The following SORBS2 variants were observed in gnomAD, a reference collection of about 807,000 sequenced individuals.
SORBS2 encodes the protein sorbin and SH3 domain-containing protein 2.
In SORBS2, 46 loss-of-function variants were observed where a neutral mutation model predicts 97.7. The ratio of observed to expected loss-of-function variants is 0.47; its 90% CI spans 0.37 to 0.60. The LOEUF (loss-of-function observed/expected upper bound fraction) is 0.60. SORBS2 is among the 20% of genes least tolerant of loss of function. SORBS2 has a pLI of 0.00. For synonymous variants in SORBS2, 476 were observed against 473.4 expected (o/e 1.01, Z -0.07); for missense variants, 1,316 against 1,282.3 (o/e 1.03, Z -0.40).
intron 4 of SORBS2, among the ~76,000 whole-genome samples, chr4:185,664,119 G>T (rs1003857100): frequency 6.6e-6 from 1 of 152,016 alleles, no homozygotes; most frequent in African/African-American, 2.4e-5. Flanking sequence ...CTCCCAAAGT[G>T]CTGGGATTAC....
At chr4:185,589,258 G>A (rs2095863982) in intron 14 of SORBS2, 1 of 158,118 alleles carries the variant, frequency 6.3e-6, no homozygotes. Context: ...GGGCATCTAC[G>A]TCAGACCTAG....
chr4:185,626,676 G>T, intron 6 of SORBS2, 156 bp downstream of exon 18: 2 of 728,112 alleles, frequency 2.7e-6, no homozygotes, highest in Non-Finnish European at 4.5e-6. Flanking sequence ...GAGTCAGTCT[G>T]GGTGGGAAGA....
At chr4:185,743,576 G>C (rs1006714417) in intron 2 of SORBS2, among the ~76,000 whole-genome samples, 3 of 152,230 alleles carry the variant, frequency 2.0e-5, no homozygotes, top group African/African-American at 7.2e-5. Context: ...TAGTAGTTTA[G>C]AACTCTGTTA....
intron 1 of SORBS2, among the ~76,000 whole-genome samples, chr4:185,949,820 C>T (rs2099276317): frequency 6.6e-6 from 1 of 152,102 alleles, no homozygotes; most frequent in Non-Finnish European, 1.5e-5. Flanking sequence ...ACAATAGCAT[C>T]CTCACAATGC....
intron 1 of SORBS2, among the ~76,000 whole-genome samples, chr4:185,894,826 C>T (rs180814560): frequency 1.3e-3 from 196 of 152,322 alleles, no homozygotes; most frequent in African/African-American, 4.5e-3. Flanking sequence ...TTGAAAATCA[C>T]AGACTCTCAG....
At chr4:185,660,167 T>C (rs1051314235), upstream of SORBS2, among the ~76,000 whole-genome samples, 8 of 152,192 alleles carry the variant, frequency 5.3e-5, no homozygotes, top group Admixed American at 1.3e-4. Flanking sequence ...ATCAATATAT[T>C]CTAAAATCAA....
chr4:185,845,846 T>C (rs904623636), intron 1 of SORBS2, among the ~76,000 whole-genome samples: 1 of 152,130 alleles, frequency 6.6e-6, no homozygotes, highest in Non-Finnish European at 1.5e-5. Flanking sequence ...AAAATGCAAA[T>C]GAAAACTATT....
chr4:185,895,266 T>C (rs1027463676), intron 1 of SORBS2, among the ~76,000 whole-genome samples: 33 of 152,180 alleles, frequency 2.2e-4, no homozygotes, highest in African/African-American at 8.0e-4. Flanking sequence ...CTTGTTTTGG[T>C]GTCACAGCAC....
At chr4:185,746,107 T>G (rs2098758190) in intron 2 of SORBS2, among the ~76,000 whole-genome samples, 1 of 152,174 alleles carries the variant, frequency 6.6e-6, no homozygotes, top group African/African-American at 2.4e-5. Flanking sequence ...GGGTAAGATT[T>G]ACAGGAGACA....
At chr4:185,604,769 C>G (rs982112246) in intron 12 of SORBS2, among the ~76,000 whole-genome samples, 2 of 152,128 alleles carry the variant, frequency 1.3e-5, no homozygotes, top group Non-Finnish European at 2.9e-5. Context: ...GATAGGAACA[C>G]CTATATTCTA....
At chr4:185,748,564 C>T (rs28521093) in intron 2 of SORBS2, among the ~76,000 whole-genome samples, 26,970 of 152,056 alleles carry the variant, frequency 0.18, 2,663 homozygotes, top group African/African-American at 0.25. Context: ...GGAGGCCTCA[C>T]GAGCAATTTT....
At chr4:185,700,393 C>T (rs2098244008) in intron 2 of SORBS2, among the ~76,000 whole-genome samples, 1 of 151,912 alleles carries the variant, frequency 6.6e-6, no homozygotes, top group Non-Finnish European at 1.5e-5. Flanking sequence ...GGTAGAGACA[C>T]TATGGTGAGT....
chr4:185,846,866 GT>G (rs2099214842), intron 1 of SORBS2, among the ~76,000 whole-genome samples: 1 of 152,114 alleles, frequency 6.6e-6, no homozygotes, highest in Non-Finnish European at 1.5e-5. Flanking sequence ...GGGCATTTGT[GT>G]TTGAAAATTT....
chr4:185,639,418 GT>G (rs1319259843), intron 4 of SORBS2, among the ~76,000 whole-genome samples: 1 of 152,190 alleles, frequency 6.6e-6, no homozygotes, highest in Non-Finnish European at 1.5e-5. Context: ...GTTTCTGAAT[GT>G]TGTTTTTAAG....
chr4:185,840,232 C>T (rs961563746), intron 1 of SORBS2, among the ~76,000 whole-genome samples: 8 of 152,252 alleles, frequency 5.3e-5, no homozygotes, highest in Middle Eastern at 3.4e-3. Context: ...GTCAATTTTC[C>T]CGTGTTATGG....
chr4:185,662,910 C>T (rs188415416), intron 4 of SORBS2, among the ~76,000 whole-genome samples: 13 of 152,258 alleles, frequency 8.5e-5, no homozygotes, highest in African/African-American at 2.4e-4. Flanking sequence ...TCGATTGTTC[C>T]GTATCTGACT....
chr4:185,654,774 G>T (rs1034179939), intron 1 of SORBS2, among the ~76,000 whole-genome samples: 2 of 150,840 alleles, frequency 1.3e-5, no homozygotes, highest in Admixed American at 1.3e-4. Context: ...AAATCATTTT[G>T]CATGAAAAAT....
intron 8 of SORBS2, among the ~76,000 whole-genome samples, chr4:185,619,543 C>T (rs2096681512): frequency 6.6e-6 from 1 of 152,212 alleles, no homozygotes; most frequent in South Asian, 2.1e-4. Flanking sequence ...CGGCTCAGGG[C>T]CCTGGACAGA....
chr4:185,868,159 C>CTTTTTTTTTTTTT (rs112680775), intron 1 of SORBS2, among the ~76,000 whole-genome samples: 21 of 105,214 alleles, frequency 2.0e-4, no homozygotes, highest in African/African-American at 7.4e-4. Context: ...TTTTTTCTTT[C>CTTTTTTTTTTTTT]TTTTTTTTTT....
Sources: allele counts gnomAD v4.1 joint callset (sites outside exome capture counted in the v4.1 genomes callset), GRCh38; gene constraint gnomAD v4.1.1; transcripts MANE v1.5; gene names NCBI Gene and HGNC (gene_info 2026-07-23, HGNC 2026-07-21).